VPS13C: variants seen among roughly 807,000 people sequenced by gnomAD.
VPS13C encodes vacuolar protein sorting 13 homolog C.
VPS13C carries 358 observed loss-of-function variants against 456.8 expected under a neutral mutation model. The ratio of observed to expected loss-of-function variants is 0.78; its 90% CI spans 0.72 to 0.86. The LOEUF is 0.86. VPS13C is among the 40% of genes least tolerant of loss of function. The probability of loss-of-function intolerance (pLI) is 0.00; values close to 1 mark genes in which losing one functional copy is unlikely to be tolerated. For synonymous variants in VPS13C, 1,578 were observed against 1,486.7 expected (o/e 1.06, Z -1.41); for missense variants, 4,818 against 4,385.4 (o/e 1.10, Z -2.79).
chr15:61,997,073 A>C (rs564937287), intron 16 of VPS13C, among the ~76,000 whole-genome samples: 7 of 152,032 alleles, frequency 4.6e-5, no homozygotes, highest in Middle Eastern at 3.4e-3. Flanking sequence ...GAATAAAAAG[A>C]AATTGGTGCC....
intron 81 of VPS13C, chr15:61,866,682 T>C (rs1253000536): frequency 1.0e-6 from 1 of 985,238 alleles, no homozygotes; most frequent in Non-Finnish European, 1.2e-6. Flanking sequence ...AACAGTTACA[T>C]GTTTTGTTAT....
intron 38 of VPS13C, among the ~76,000 whole-genome samples, chr15:61,953,114 G>A (rs1011424954): frequency 3.3e-5 from 5 of 151,960 alleles, no homozygotes; most frequent in Non-Finnish European, 5.9e-5. Context: ...GGAAGTCCTT[G>A]CAAGTCCCTG....
intron 78 of VPS13C, among the ~76,000 whole-genome samples, chr15:61,873,044 T>C (rs532809107): frequency 1.3e-5 from 2 of 152,186 alleles, no homozygotes; most frequent in South Asian, 4.1e-4. Flanking sequence ...TACAGTTTTA[T>C]GAAATCTGAC....
intron 1 of VPS13C, among the ~76,000 whole-genome samples, chr15:62,051,034 T>C (rs570389700): frequency 1.3e-5 from 2 of 152,118 alleles, no homozygotes; most frequent in Admixed American, 6.5e-5. Flanking sequence ...AGGAAAAGCC[T>C]GCCTAAGTCC....
intron 9 of VPS13C, 98 bp from the exon 10 acceptor site, chr15:62,014,090 G>A: frequency 1.3e-6 from 1 of 781,246 alleles, no homozygotes; most frequent in Non-Finnish European, 2.0e-6. Flanking sequence ...AGGAAGAAAT[G>A]ACATCTACTT....
chr15:61,973,219 T>C (rs886500658), intron 26 of VPS13C, among the ~76,000 whole-genome samples: 2 of 152,098 alleles, frequency 1.3e-5, no homozygotes, highest in African/African-American at 4.8e-5. Context: ...TTATTTAGAA[T>C]CTTAAGTAAG....
At chr15:62,050,436 A>C (rs1286171778) in intron 1 of VPS13C, among the ~76,000 whole-genome samples, 1 of 152,218 alleles carries the variant, frequency 6.6e-6, no homozygotes, top group African/African-American at 2.4e-5. Context: ...TATATTTTGG[A>C]TGTGCATACA....
At chr15:61,956,055 G>A (rs931327055) in intron 37 of VPS13C, among the ~76,000 whole-genome samples, 3 of 152,088 alleles carry the variant, frequency 2.0e-5, no homozygotes, top group Non-Finnish European at 2.9e-5. Flanking sequence ...ATTCACAATA[G>A]CAAAGACATG....
rs184997917 is a variant in VPS13C at position 61,936,650 on chromosome 15, T to C, written c.5702A>G (p.Glu1901Gly). 1 of 1,611,014 alleles carries C rather than the reference T, an allele frequency of 6.2e-7. No homozygotes were observed. Among genetic ancestry groups the C allele is most frequent in the Admixed American group, 1.7e-5 (1 of 59,410 alleles). The stretch of plus-strand genomic sequence containing the variant: ...ATCAACTTTTCTCACTCTTACAGTC[T>C]CCTGCACAGACTGTGTAGGGCTTGG... ...SQPSPTQSVQ[E>G]TVRVRKVDVS... Residue 1901 changes from glutamate to glycine, a missense_variant, in exon 48 of 85, where the codon GAG (glutamate) becomes GGG (glycine). Around this residue, in one of 3 missense-constraint regions of VPS13C, gnomAD observed 4,552 missense variants for 4,130.6 expected, o/e 1.10. Coordinates refer to ENST00000644861, the MANE Select transcript of VPS13C (RefSeq NM_020821.3).
rs1895370164 is a variant in VPS13C, at chr15:61,875,718, T to C, written c.10338+14A>G. 6.3e-7 allele frequency: 1 copy of C among 1,586,604 alleles called. No individual in the cohort carries two copies. Among genetic ancestry groups the C allele is most frequent in the South Asian group, 1.1e-5 (1 of 89,336 alleles). On this transcript the variant is annotated intron_variant, in intron 76 of 84. Coordinates refer to ENST00000644861, the MANE Select transcript of VPS13C (RefSeq NM_020821.3). The stretch of plus-strand genomic sequence containing the variant: ...TTTCTGTACCTATCCTTAGAACAAA[T>C]AAGAGGTCAATACCTGGAAGGGTTC...
intron 21 of VPS13C, among the ~76,000 whole-genome samples, chr15:61,982,109 C>T (rs2045906508): frequency 6.6e-6 from 1 of 152,106 alleles, no homozygotes; most frequent in Admixed American, 6.5e-5. Context: ...GTTTAGAGGT[C>T]ATGTTATACA....
At chr15:62,034,685 G>A (rs1303373338) in intron 4 of VPS13C, among the ~76,000 whole-genome samples, 1 of 151,642 alleles carries the variant, frequency 6.6e-6, no homozygotes, top group South Asian at 2.1e-4. Flanking sequence ...CAGCTCAACA[G>A]GAAGCCTTAG....
intron 66 of VPS13C, among the ~76,000 whole-genome samples, chr15:61,896,258 C>T (rs1596304297): frequency 6.6e-6 from 1 of 152,112 alleles, no homozygotes; most frequent in East Asian, 1.9e-4. Context: ...CCAAGATGGC[C>T]GAATAGGAAC....
intron 45 of VPS13C, 34 bp from the exon 46 acceptor site, chr15:61,942,101 G>T: frequency 3.3e-6 from 5 of 1,493,786 alleles, no homozygotes; most frequent in South Asian, 1.4e-5. Flanking sequence ...GGGGAAAAAA[G>T]GCATTTATTT....
At chr15:61,882,561 G>T in intron 69 of VPS13C, 35 bp downstream of exon 69, 1 of 1,455,090 alleles carries the variant, frequency 6.9e-7, no homozygotes, top group Non-Finnish European at 9.1e-7. Flanking sequence ...TTCCCAAAGT[G>T]ATGATAAATA....
intron 17 of VPS13C, among the ~76,000 whole-genome samples, chr15:61,991,319 A>C (rs1317234527): frequency 1.3e-5 from 2 of 152,200 alleles, no homozygotes; most frequent in African/African-American, 2.4e-5. Context: ...ATTCAGTTCT[A>C]ATATATGGGT....
At chr15:62,022,036 T>C (rs2047480332) in intron 8 of VPS13C, among the ~76,000 whole-genome samples, 1 of 151,906 alleles carries the variant, frequency 6.6e-6, no homozygotes. Flanking sequence ...ACATTTTATT[T>C]ACCCATTCAT....
chr15:61,870,592 T>C (rs947275648), intron 79 of VPS13C, among the ~76,000 whole-genome samples: 1 of 152,218 alleles, frequency 6.6e-6, no homozygotes, highest in African/African-American at 2.4e-5. Flanking sequence ...CTATGAACAT[T>C]TGTGCACAGT....
In VPS13C at chr15:61,991,950, C is replaced by A. The variant is rs1485156913; in HGVS notation, c.1354-148G>T. The A allele has an allele frequency of 1.3e-5, 12 of 892,340 alleles. No individual in the cohort carries two copies. In the East Asian group the frequency reaches 3.3e-4, roughly 24 times the overall value. The allele number at this position is 892,340 out of a possible 1,614,324, so 55.3% of individuals were successfully genotyped here. A position where few individuals can be genotyped will look rare whatever the true frequency, so the allele number is the denominator to read the frequency against. On this transcript the variant is annotated intron_variant, in intron 16 of 84. Transcript: ENST00000644861. ...TCAAGATCTTAAATGATGCTCACAACATAATTTAGTTAAATGCAGTCTCCC... is the reference window on the plus strand; with the variant it reads ...TCAAGATCTTAAATGATGCTCACAAAATAATTTAGTTAAATGCAGTCTCCC...
Sources: gnomAD v4.1 joint callset for allele counts (sites outside exome capture counted in the v4.1 genomes callset) on GRCh38, gnomAD v4.1.1 for gene constraint, gnomAD v4.1.1 regional missense constraint, MANE v1.5 for transcripts, NCBI Gene and HGNC (gene_info 2026-07-23, HGNC 2026-07-21) for gene names.